Variants in OPCML observed in about 807,000 individuals in gnomAD.
The protein encoded by OPCML is opioid-binding protein/cell adhesion molecule.
Under a neutral mutation model 37.8 loss-of-function variants are expected in OPCML, and 13 were observed. The ratio of observed to expected loss-of-function variants is 0.34; its 90% confidence interval spans 0.22 to 0.55. The LOEUF (loss-of-function observed/expected upper bound fraction) is 0.55, where lower values mean the gene tolerates loss of function less well. Among genes scored for constraint, OPCML ranks in the 20% least tolerant of loss-of-function variants. The pLI is 0.91. For missense variants in OPCML, 341 were observed against 435.6 expected, an observed-to-expected ratio of 0.78 and a Z score of 1.93; for synonymous variants, 176 against 168.8, an observed-to-expected ratio of 1.04 and a Z score of -0.33.
chr11:133,458,089 T>C (rs1436493206), intron 1 of OPCML, among the ~76,000 whole-genome samples: 1 of 151,720 alleles, frequency 6.6e-6, no homozygotes, highest in Non-Finnish European at 1.5e-5. Context: ...GAGGTTGCAG[T>C]GAGCCAAGAT....
chr11:132,755,143 T>C lies in OPCML; in HGVS notation c.147-97824A>G, dbSNP rs1478876200. ...AAATGGTCTAATATTGACAATTTCC[T>C]ATGGTTCAACCTAAATATAAGAAAG... On this transcript the variant is annotated intron_variant, in intron 2 of 7. Coordinates refer to ENST00000524381, the MANE Select transcript of OPCML (RefSeq NM_001012393.5). Among the ~76,000 whole-genome samples the C allele has an allele frequency of 2.0e-5, 3 of 152,360 alleles. No homozygotes were observed. In the East Asian group the frequency reaches 5.8e-4, roughly 29 times the overall value.
intron 1 of OPCML, among the ~76,000 whole-genome samples, chr11:133,018,044 T>TA (rs1323362560): frequency 6.6e-6 from 1 of 152,200 alleles, no homozygotes; most frequent in Non-Finnish European, 1.5e-5. Context: ...GAGAGGGCTG[T>TA]ACAGGCAGGC....
At chr11:133,481,440 T>TA (rs1337812464) in intron 1 of OPCML, among the ~76,000 whole-genome samples, 1 of 107,812 alleles carries the variant, frequency 9.3e-6, no homozygotes, top group Non-Finnish European at 2.1e-5. Context: ...TCTCCCCAGT[T>TA]AAAAAAATAA....
intron 1 of OPCML, among the ~76,000 whole-genome samples, chr11:133,330,606 T>C (rs1943596650): frequency 6.7e-6 from 1 of 149,566 alleles, no homozygotes; most frequent in African/African-American, 2.5e-5. Context: ...AAACACCAGA[T>C]GTTCTCACTC....
chr11:133,497,211 A>C (rs1947805295), intron 1 of OPCML, among the ~76,000 whole-genome samples: 1 of 151,894 alleles, frequency 6.6e-6, no homozygotes, highest in Admixed American at 6.6e-5. Flanking sequence ...ATATTTTCTT[A>C]TTCTTTTTTC....
At chr11:133,110,551 G>A (rs1360428486) in intron 1 of OPCML, among the ~76,000 whole-genome samples, 1 of 152,114 alleles carries the variant, frequency 6.6e-6, no homozygotes, top group East Asian at 1.9e-4. Context: ...TTTTGAGAAG[G>A]GCCTTGATCT....
chr11:133,168,859 T>G (rs775299221), intron 1 of OPCML, among the ~76,000 whole-genome samples: 57 of 152,246 alleles, frequency 3.7e-4, no homozygotes, highest in Non-Finnish European at 7.5e-4. Flanking sequence ...CCAGGCACGG[T>G]GGCTCACTCC....
intron 1 of OPCML, among the ~76,000 whole-genome samples, chr11:133,458,097 G>C (rs1326392177): frequency 6.6e-6 from 1 of 151,756 alleles, no homozygotes; most frequent in Non-Finnish European, 1.5e-5. Flanking sequence ...AGTGAGCCAA[G>C]ATCGTACCAT....
At chr11:132,960,850 G>A (rs897841433) in intron 1 of OPCML, among the ~76,000 whole-genome samples, 10 of 152,098 alleles carry the variant, frequency 6.6e-5, no homozygotes, top group African/African-American at 2.4e-4. Context: ...CATGTTACTG[G>A]GGCCCCGAAG....
At chr11:132,440,681 T>C (rs1401652833) in intron 4 of OPCML, among the ~76,000 whole-genome samples, 1 of 152,206 alleles carries the variant, frequency 6.6e-6, no homozygotes, top group Admixed American at 6.5e-5. Context: ...TTCATGATCT[T>C]CCCACATAAC....
intron 1 of OPCML, among the ~76,000 whole-genome samples, chr11:133,162,697 G>A (rs116224036): frequency 0.014 from 2,065 of 152,036 alleles, 38 homozygotes; most frequent in African/African-American, 0.036. Flanking sequence ...AAGGAAAAGG[G>A]TCCCTGTTTG....
At chr11:133,423,277 G>A (rs1945931103) in intron 1 of OPCML, 1 of 985,214 alleles carries the variant, frequency 1.0e-6, no homozygotes, top group African/African-American at 1.7e-5. Flanking sequence ...TTTAGCAATT[G>A]GAATTTTAGG....
intron 1 of OPCML, among the ~76,000 whole-genome samples, chr11:133,009,654 C>T: frequency 6.6e-6 from 1 of 152,214 alleles, no homozygotes; most frequent in East Asian, 1.9e-4. Context: ...TGAAACCGCA[C>T]CACCTCAGAT....
intron 7 of OPCML, among the ~76,000 whole-genome samples, chr11:132,430,157 G>A (rs1240096593): frequency 1.3e-5 from 2 of 152,206 alleles, no homozygotes; most frequent in South Asian, 2.1e-4. Context: ...AAAGGCACGG[G>A]TGAGGCATGG....
chr11:132,431,032 C>G (rs1399763710), intron 7 of OPCML, among the ~76,000 whole-genome samples: 1 of 152,206 alleles, frequency 6.6e-6, no homozygotes, highest in Non-Finnish European at 1.5e-5. Context: ...CCAGCCACCC[C>G]TGCTGTACTT....
At chr11:133,064,777 A>G (rs1948413218) in intron 1 of OPCML, 1 of 152,166 alleles carries the variant, frequency 6.6e-6, no homozygotes. Flanking sequence ...GGCCGGCAGT[A>G]AACCTAAGAA....
chr11:132,509,205 T>G (rs1055377354), intron 4 of OPCML, among the ~76,000 whole-genome samples: 2 of 152,040 alleles, frequency 1.3e-5, no homozygotes, highest in African/African-American at 4.8e-5. Flanking sequence ...GAGAGATGAT[T>G]TTGGGTATCT....
chr11:133,508,975 CG>C (rs1456914795), intron 1 of OPCML, among the ~76,000 whole-genome samples: 4 of 150,530 alleles, frequency 2.7e-5, no homozygotes, highest in East Asian at 1.9e-4. Context: ...TATATAAGTT[CG>C]TTTTTTTTTT....
chr11:132,929,816 G>C (rs930166970), intron 2 of OPCML, among the ~76,000 whole-genome samples: 6 of 152,070 alleles, frequency 3.9e-5, no homozygotes, highest in African/African-American at 1.4e-4. Flanking sequence ...ATGACCATCT[G>C]AATTGATACA....
Sources: allele counts gnomAD v4.1 joint callset (sites outside exome capture counted in the v4.1 genomes callset), GRCh38; gene constraint gnomAD v4.1.1; transcripts MANE v1.5; gene names NCBI Gene and HGNC (gene_info 2026-07-23, HGNC 2026-07-21).